The following CSNK2A1 variants were observed in gnomAD, a reference collection of about 807,000 sequenced individuals.
CSNK2A1 encodes casein kinase II subunit alpha.
A neutral mutation model predicts 62.9 loss-of-function variants in CSNK2A1; 10 were observed. The observed-to-expected ratio is 0.16, with a 90% CI of 0.10 to 0.27. CSNK2A1 has a LOEUF of 0.27. Ranked by LOEUF, CSNK2A1 falls within the 10% of genes least tolerant of loss-of-function variation. The pLI, the probability that CSNK2A1 is intolerant of heterozygous loss-of-function variation, is 1.00. For missense variants in CSNK2A1, 160 were observed against 492.0 expected (o/e 0.33, Z 6.38); for synonymous variants, 124 against 167.8 (o/e 0.74, Z 2.02).
chr20:474,650 T>C lies in CSNK2A1; in HGVS notation c.*9311A>G, dbSNP rs947719251. 1.3e-5 allele frequency: 2 copies of C among 152,242 alleles called. No individual in the cohort carries two copies. The highest frequency in any genetic ancestry group is 4.8e-5 in the African/African-American group (2 of 41,470). The allele number at this position is 152,242 out of a possible 1,614,324, so 9.4% of individuals were successfully genotyped here. On this transcript the variant is annotated 3_prime_UTR_variant, in exon 14 of 14. Coordinates refer to ENST00000217244, the MANE Select transcript of CSNK2A1 (RefSeq NM_177559.3). Reference sequence around the variant, plus strand: ...ATGCAACTGTTTGATTTTTCAGTTTTAGGCATTAGTTCCCCTTATAAATGA... The same window carrying C: ...ATGCAACTGTTTGATTTTTCAGTTTCAGGCATTAGTTCCCCTTATAAATGA...
At chr20:529,627 T>C (rs555863853) in intron 1 of CSNK2A1, among the ~76,000 whole-genome samples, 2 of 152,048 alleles carry the variant, frequency 1.3e-5, no homozygotes, top group South Asian at 4.2e-4. Flanking sequence ...CTTGACTTAA[T>C]ATGGAAAAAA....
At chr20:515,988 T>C (rs1257200571) in intron 2 of CSNK2A1, among the ~76,000 whole-genome samples, 1 of 152,200 alleles carries the variant, frequency 6.6e-6, no homozygotes, top group Non-Finnish European at 1.5e-5. Flanking sequence ...CTAGGATTTG[T>C]CTTTTTCCCC....
intron 9 of CSNK2A1, among the ~76,000 whole-genome samples, chr20:491,919 G>A (rs562132809): frequency 5.5e-4 from 83 of 152,250 alleles, no homozygotes; most frequent in Admixed American, 1.6e-3. Context: ...GTGAGACTCC[G>A]TCTCAAAACA....
rs538594442 is a variant in CSNK2A1, at chr20:515,086, C to A, written c.-109-6426G>T. Among the ~76,000 whole-genome samples, 3 of 152,236 alleles carry A rather than the reference C, an allele frequency of 2.0e-5. No homozygotes were observed. The East Asian group carries it at 5.8e-4, about 29-fold the overall frequency. On this transcript the variant is annotated intron_variant, in intron 2 of 13. Transcript: ENST00000217244. The stretch of plus-strand genomic sequence containing the variant: ...ACATATTGTTTTTAAAATTTTTACT[C>A]TGGCTGAGTGTGGGACAGGACTTAG...
chr20:490,644 T>A (rs2018207783), intron 9 of CSNK2A1, among the ~76,000 whole-genome samples: 2 of 151,328 alleles, frequency 1.3e-5, no homozygotes, highest in Non-Finnish European at 2.9e-5. Flanking sequence ...GACCTTGTGA[T>A]CCACTTGCCT....
rs1368256004 is a variant in CSNK2A1 at position 481,629 on chromosome 20, C to A, written c.*2332G>T. ...CCTCAGAGTCCTCTGCATTCACCTT[C>A]GGTTTATTCCAAGGTCTGATGGGTG... On this transcript the variant is annotated 3_prime_UTR_variant, in exon 14 of 14. Transcript: ENST00000217244. 1 of 151,868 alleles carries A rather than the reference C, an allele frequency of 6.6e-6. No homozygotes were observed. Among genetic ancestry groups the A allele is most frequent in the East Asian group, 1.9e-4 (1 of 5,162 alleles). The allele number at this position is 151,868 out of a possible 1,614,324, so 9.4% of individuals were successfully genotyped here. A position where few individuals can be genotyped will look rare whatever the true frequency, so the allele number is the denominator to read the frequency against.
rs560783000 is a variant in CSNK2A1 at position 509,020 on chromosome 20, T to G, written c.-109-360A>C. ...AAAAGGTATTGGCAAGAAAAATACT[T>G]TCTTTTCAGCAGCTTTCTGTAACTT... On this transcript the variant is annotated intron_variant, in intron 2 of 13. Coordinates refer to ENST00000217244, the MANE Select transcript of CSNK2A1 (RefSeq NM_177559.3). 1.6e-3 allele frequency among the ~76,000 whole-genome samples: 241 copies of G among 152,354 alleles called. 1 individual carries two copies. The highest frequency in any genetic ancestry group is 5.6e-3 in the African/African-American group (233 of 41,580).
Position 477,762 on chromosome 20 carries a change from C to A in CSNK2A1, c.*6199G>T. On this transcript the variant is annotated 3_prime_UTR_variant, in exon 14 of 14. Coordinates refer to ENST00000217244, the MANE Select transcript of CSNK2A1 (RefSeq NM_177559.3). ...ATCCCACCACTTTGGGAGGCTTGGGCGGGCGGATCACCTGAGGTCGGGAGT... is the reference window on the plus strand; with the variant it reads ...ATCCCACCACTTTGGGAGGCTTGGGAGGGCGGATCACCTGAGGTCGGGAGT... The A allele has an allele frequency of 6.6e-6, 1 of 152,362 alleles. No homozygotes were observed. Among genetic ancestry groups the A allele is most frequent in the Non-Finnish European group, 1.5e-5 (1 of 68,130 alleles). 9.4% of individuals were successfully genotyped at this position (152,362 alleles called of 1,614,324 possible).
rs2018325203 is a variant in CSNK2A1 at position 495,384 on chromosome 20, C to T, written c.510+335G>A. The T allele has an allele frequency of 3.7e-5, 9 of 243,324 alleles. No individual in the cohort carries two copies. In the South Asian group the frequency reaches 5.4e-4, roughly 14 times the overall value. 15.1% of individuals were successfully genotyped at this position (243,324 alleles called of 1,614,324 possible). A position where few individuals can be genotyped will look rare whatever the true frequency, so the allele number is the denominator to read the frequency against. Reference sequence around the variant, plus strand: ...CTAGTCGCCTGCAGGGCTATTATTACCCACACTGTACACGTAAGAAAAAGA... The same window carrying T: ...CTAGTCGCCTGCAGGGCTATTATTATCCACACTGTACACGTAAGAAAAAGA... On this transcript the variant is annotated intron_variant, in intron 8 of 13. Transcript: ENST00000217244.
At chr20:532,135 T>C (rs1485410131) in intron 1 of CSNK2A1, among the ~76,000 whole-genome samples, 2 of 152,148 alleles carry the variant, frequency 1.3e-5, no homozygotes, top group Non-Finnish European at 2.9e-5. Context: ...CTGAGCTTTC[T>C]AAATTAGTGC....
chr20:530,279 T>C (rs1199668025), intron 1 of CSNK2A1, among the ~76,000 whole-genome samples: 1 of 152,224 alleles, frequency 6.6e-6, no homozygotes, highest in Non-Finnish European at 1.5e-5. Flanking sequence ...CTTAGCAAAA[T>C]GTCTACAAGT....
intron 1 of CSNK2A1, among the ~76,000 whole-genome samples, chr20:534,616 T>C (rs1445147031): frequency 1.3e-5 from 2 of 152,078 alleles, no homozygotes; most frequent in Non-Finnish European, 2.9e-5. Flanking sequence ...TGTGATGTTT[T>C]CCAAAAACAG....
At chr20:517,139 G>T (rs1031131280) in intron 2 of CSNK2A1, among the ~76,000 whole-genome samples, 1 of 152,186 alleles carries the variant, frequency 6.6e-6, no homozygotes, top group Non-Finnish European at 1.5e-5. Flanking sequence ...CCTTAAATAT[G>T]TATACTTTTC....
intron 9 of CSNK2A1, 115 bp downstream of exon 9, chr20:492,139 G>A (rs1011259853): frequency 4.1e-6 from 3 of 724,272 alleles, no homozygotes; most frequent in Non-Finnish European, 2.3e-6. Context: ...AAGGACAGCT[G>A]TGAATGTGCA....
chr20:505,079 T>A (rs1380319671), intron 4 of CSNK2A1, 39 bp downstream of exon 4: 1 of 1,523,446 alleles, frequency 6.6e-7, no homozygotes, highest in Admixed American at 2.2e-5. Flanking sequence ...TTTAAAAATC[T>A]ATATTCCAAA....
At chr20:511,701 T>TACAC (rs1474958579) in intron 2 of CSNK2A1, among the ~76,000 whole-genome samples, 50 of 103,542 alleles carry the variant, frequency 4.8e-4, no homozygotes, top group Admixed American at 2.3e-3. Context: ...TGTGTATATA[T>TACAC]ATACACACAC....
At chr20:491,209 G>A (rs531700659) in intron 9 of CSNK2A1, among the ~76,000 whole-genome samples, 3 of 152,142 alleles carry the variant, frequency 2.0e-5, no homozygotes, top group Non-Finnish European at 4.4e-5. Flanking sequence ...GAAAACTTCA[G>A]ATTTTTAAAC....
intron 1 of CSNK2A1, among the ~76,000 whole-genome samples, chr20:535,914 C>G (rs184361376): frequency 6.6e-6 from 1 of 152,108 alleles, no homozygotes; most frequent in African/African-American, 2.4e-5. Context: ...AAACATATCC[C>G]TAACACACAA....
At chr20:486,545 C>A in intron 12 of CSNK2A1, 83 bp from the exon 13 acceptor site, 1 of 1,457,496 alleles carries the variant, frequency 6.9e-7, no homozygotes, top group South Asian at 1.2e-5. Context: ...CAGCCAGCTT[C>A]ATTCTTTGCA....
Sources: gnomAD v4.1 joint callset for allele counts (sites outside exome capture counted in the v4.1 genomes callset) on GRCh38, gnomAD v4.1.1 for gene constraint, MANE v1.5 for transcripts, NCBI Gene and HGNC (gene_info 2026-07-23, HGNC 2026-07-21) for gene names.